The following PRSS56 variants were observed in gnomAD, a reference collection of about 807,000 sequenced individuals.
The protein encoded by PRSS56 is serine protease 56.
Under a neutral mutation model 66.8 loss-of-function variants are expected in PRSS56, and 55 were observed. The ratio of observed to expected loss-of-function variants is 0.82; its 90% CI spans 0.66 to 1.03. PRSS56 has a LOEUF of 1.03. Ranked by LOEUF, PRSS56 falls within the 50% of genes least tolerant of loss-of-function variation. The probability of loss-of-function intolerance (pLI) is 0.00; values close to 1 mark genes in which losing one functional copy is unlikely to be tolerated. For missense variants in PRSS56, 869 were observed against 837.2 expected, an observed-to-expected ratio of 1.04 and a Z score of -0.47; for synonymous variants, 409 against 387.9, an observed-to-expected ratio of 1.05 and a Z score of -0.64.
At position 232,520,628 on chromosome 2, in the gene PRSS56, C is replaced by A. The variant is rs1438126213; in HGVS notation, c.30C>A (p.Pro10=). 1.3e-5 allele frequency: 20 copies of A among 1,536,098 alleles called. No individual in the cohort carries two copies. The highest frequency in any genetic ancestry group is 3.9e-5 in the Admixed American group (2 of 51,000). Residue 10 remains proline (P), a synonymous_variant, in exon 1 of 13, where the codon CCC becomes CCA. Coordinates refer to ENST00000617714, the MANE Select transcript of PRSS56 (RefSeq NM_001195129.2). MLLAVLLLL[P]LPSSWFAHGH... is the part of the protein sequence containing the mutation. ...TGCTGGCTGTGCTGCTGCTGCTACC[C>A]CTCCCAAGCTCATGGTTTGCCCACG...
chr2:232,522,918 A>T lies in PRSS56; in HGVS notation c.706+57A>T. 3 of 1,450,456 alleles carry T rather than the reference A, an allele frequency of 2.1e-6. No individual in the cohort carries two copies. The South Asian group carries it at 4.2e-5, about 20-fold the overall frequency. The allele number at this position is 1,450,456 out of a possible 1,614,324, so 89.8% of individuals were successfully genotyped here. On this transcript the variant is annotated intron_variant, in intron 6 of 12. Transcript: ENST00000617714. ...GGAAGAACTGGGGGTCCGAGGTAAT[A>T]GAGTGTAGGGAGGCCGGGTTGCCTT...
In PRSS56 at chr2:232,525,488, C is replaced by G; in HGVS notation, c.1794C>G (p.Pro598=). The part of the protein sequence containing the change: ...KGHHPLNPQV[P]PARQP The stretch of plus-strand genomic sequence containing the variant: ...ACCACCCACTCAACCCTCAGGTACC[C>G]CCCGCCAGGCAACCCTGAGCCATGT... The change falls in exon 13 of 13, where the codon CCC becomes CCG. Residue 598 remains proline, a synonymous_variant. Coordinates refer to ENST00000617714, the MANE Select transcript of PRSS56 (RefSeq NM_001195129.2). The G allele has an allele frequency of 6.7e-7, 1 of 1,496,230 alleles. No individual in the cohort carries two copies. The highest frequency in any genetic ancestry group is 8.9e-7 in the Non-Finnish European group (1 of 1,121,734). The allele number at this position is 1,496,230 out of a possible 1,614,324, so 92.7% of individuals were successfully genotyped here.
At position 232,524,352 on chromosome 2, in the gene PRSS56, C is replaced by G; in HGVS notation, c.1397C>G (p.Pro466Arg). The change falls in exon 11 of 13, where the codon CCG (proline) becomes CGG (arginine). Residue 466 changes from proline to arginine, a missense_variant. This residue lies in a region of PRSS56 where 551 missense variants were observed against 506.9 expected (regional missense o/e 1.09). Coordinates refer to ENST00000617714, the MANE Select transcript of PRSS56 (RefSeq NM_001195129.2). ...GTRFPKRRPEPRGEANGCPGL... is the reference protein window; with the variant it reads ...GTRFPKRRPERRGEANGCPGL... The stretch of plus-strand genomic sequence containing the variant: ...CGGTTCCCGAAGCGGAGGCCGGAGC[C>G]GCGCGGAGAAGCCAACGGTAATGAC... 1 of 1,535,540 alleles carries G rather than the reference C, an allele frequency of 6.5e-7. No individual in the cohort carries two copies. Among genetic ancestry groups the G allele is most frequent in the Non-Finnish European group, 8.7e-7 (1 of 1,146,724 alleles).
Position 232,523,078 on chromosome 2 carries a change from C to T in PRSS56, c.725C>T (p.Ala242Val). ...ALFEDGPEAE[A>V]VREARVPLLS... ...CCTGCAGACGGGCCTGAGGCTGAAGCAGTGAGAGAGGCCCGTGTTCCCCTG... is the reference window on the plus strand; with the variant it reads ...CCTGCAGACGGGCCTGAGGCTGAAGTAGTGAGAGAGGCCCGTGTTCCCCTG... Residue 242 changes from alanine to valine, a missense_variant, in exon 7 of 13, where the codon GCA (alanine) becomes GTA (valine). Physicochemically the swap from Ala to Val is moderately conservative, Grantham distance 64. Coordinates refer to ENST00000617714, the MANE Select transcript of PRSS56 (RefSeq NM_001195129.2). 6.5e-7 allele frequency: 1 copy of T among 1,535,068 alleles called. No homozygotes were observed.
In PRSS56 at chr2:232,523,439, C is replaced by G; in HGVS notation, c.873C>G (p.Thr291=). The change falls in exon 8 of 13, where the codon ACC becomes ACG. Residue 291 remains threonine (T), a synonymous_variant. Coordinates refer to ENST00000617714, the MANE Select transcript of PRSS56 (RefSeq NM_001195129.2). ...AGGGTGACTCGGGAGGCCCCCTGAC[C>G]TGTTCTGAGCCTGGCCCCCGCCCTA... The part of the protein sequence containing the change: ...SCQGDSGGPL[T]CSEPGPRPRE... 6.7e-7 allele frequency: 1 copy of G among 1,483,892 alleles called. No individual in the cohort carries two copies. The highest frequency in any genetic ancestry group is 2.5e-5 in the East Asian group (1 of 40,318). 91.9% of individuals were successfully genotyped at this position (1,483,892 alleles called of 1,614,324 possible).
In PRSS56 at chr2:232,525,305, C is replaced by T. The variant is rs971066079; in HGVS notation, c.1611C>T (p.Ser537=). ...TGGGGGGCCGGCATGTGGCCTTCAG[C>T]GGCCTGGTGGGCCTGGAGCCGGCCA... ...AGLGGRHVAF[S]GLVGLEPATL... The change falls in exon 13 of 13, where the codon AGC becomes AGT. Residue 537 remains serine, a synonymous_variant. Transcript: ENST00000617714. The T allele has an allele frequency of 1.8e-5, 27 of 1,523,402 alleles. No individual in the cohort carries two copies. The highest frequency in any genetic ancestry group is 1.7e-4 in the Middle Eastern group (1 of 5,900). The allele number at this position is 1,523,402 out of a possible 1,614,324, so 94.4% of individuals were successfully genotyped here. A position where few individuals can be genotyped will look rare whatever the true frequency, so the allele number is the denominator to read the frequency against.
chr2:232,522,578 G>A lies in PRSS56; in HGVS notation c.510G>A (p.Glu170=), dbSNP rs1363443242. The change falls in exon 5 of 13, where the codon GAG becomes GAA. Residue 170 remains glutamate, a synonymous_variant. Transcript: ENST00000617714. ...LAEGSRGEQA[E]EVPVNRILPH... ...AGGGGTCCCGGGGGGAGCAAGCGGA[G>A]GAGGTGCCAGTGAACCGCATCCTGC... is the stretch of plus-strand genomic sequence containing the variant. 1 of 1,535,174 alleles carries A rather than the reference G, an allele frequency of 6.5e-7. No individual in the cohort carries two copies. Among genetic ancestry groups the A allele is most frequent in the South Asian group, 1.2e-5 (1 of 83,976 alleles).
chr2:232,524,045 G>T lies in PRSS56; in HGVS notation c.1193G>T (p.Arg398Leu). The change falls in exon 10 of 13, where the codon CGC becomes CTC. Residue 398 changes from arginine to leucine, a missense_variant. By Grantham distance (102) the Arg-to-Leu change is moderately radical. Around this residue, in one of 3 missense-constraint regions of PRSS56, gnomAD observed 551 missense variants for 506.9 expected, o/e 1.09. Transcript: ENST00000617714. ...CLQRRRRCEL[R>L]SLAHTLLGLL... Reference sequence around the variant, plus strand: ...ACTCCTGTCCGGTCCGCAGAGCTGCGCTCGCTGGCGCACACGCTGCTGGGC... The same window carrying T: ...ACTCCTGTCCGGTCCGCAGAGCTGCTCTCGCTGGCGCACACGCTGCTGGGC... 1.3e-6 allele frequency: 2 copies of T among 1,524,612 alleles called. No homozygotes were observed. The highest frequency in any genetic ancestry group is 1.7e-6 in the Non-Finnish European group (2 of 1,142,924). The allele number at this position is 1,524,612 out of a possible 1,614,324, so 94.4% of individuals were successfully genotyped here.
chr2:232,525,571 G>A lies in PRSS56; in HGVS notation c.*65G>A. 9.1e-7 allele frequency: 1 copy of A among 1,103,994 alleles called. No homozygotes were observed. Among genetic ancestry groups the A allele is most frequent in the East Asian group, 7.2e-5 (1 of 13,844 alleles). The allele number at this position is 1,103,994 out of a possible 1,614,324, so 68.4% of individuals were successfully genotyped here. On this transcript the variant is annotated 3_prime_UTR_variant, in exon 13 of 13. Transcript: ENST00000617714. The stretch of plus-strand genomic sequence containing the variant: ...CTCCCAGGGGCTGAGAGGGGTTCGG[G>A]AGCATAATGACAAACTGTCGCTGCC...
rs1294125717 is a variant in PRSS56, at chr2:232,522,806, G to A, written c.651G>A (p.Gln217=). Residue 217 remains glutamine (Q), a synonymous_variant, in exon 6 of 13, where the codon CAG becomes CAA. Coordinates refer to ENST00000617714, the MANE Select transcript of PRSS56 (RefSeq NM_001195129.2). ...CCGTGTGCCTGCCCCAGGAGCCCCA[G>A]GAGCCCCCTGCCGGAACCGCCTGCG... ...ARPVCLPQEP[Q]EPPAGTACAI... The A allele has an allele frequency of 2.7e-6, 4 of 1,502,288 alleles. No homozygotes were observed. The highest frequency in any genetic ancestry group is 1.2e-5 in the South Asian group (1 of 80,154). The allele number at this position is 1,502,288 out of a possible 1,614,324, so 93.1% of individuals were successfully genotyped here.
intron 2 of PRSS56, 136 bp from the exon 3 acceptor site, chr2:232,521,680 G>C: frequency 1.1e-6 from 1 of 921,352 alleles, no homozygotes; most frequent in Admixed American, 2.4e-5. Context: ...AGAAGTTCAT[G>C]GTTGCTGAAA....
In PRSS56 at chr2:232,523,096, T is replaced by A. The variant is rs1691321458; in HGVS notation, c.743T>A (p.Val248Asp). The change falls in exon 7 of 13, where the codon GTT becomes GAT. Residue 248 changes from valine to aspartate, a missense_variant. This residue lies in a region of PRSS56 where 551 missense variants were observed against 506.9 expected (regional missense o/e 1.09). Coordinates refer to ENST00000617714, the MANE Select transcript of PRSS56 (RefSeq NM_001195129.2). ...PEAEAVREAR[V>D]PLLSTDTCRR... ...GCTGAAGCAGTGAGAGAGGCCCGTG[T>A]TCCCCTGCTCAGCACCGACACCTGC... is the stretch of plus-strand genomic sequence containing the variant. 1 of 1,535,022 alleles carries A rather than the reference T, an allele frequency of 6.5e-7. No individual in the cohort carries two copies. Among genetic ancestry groups the A allele is most frequent in the Admixed American group, 2.0e-5 (1 of 50,890 alleles).
In PRSS56 at chr2:232,525,672, A is replaced by G. The variant is rs1691418314; in HGVS notation, c.*166A>G. On this transcript the variant is annotated 3_prime_UTR_variant, in exon 13 of 13. Coordinates refer to ENST00000617714, the MANE Select transcript of PRSS56 (RefSeq NM_001195129.2). ...CGTGTCTTCCCAGGTTTACAATCAGAGAATCACAGCTGCTTTAATAAATGT... is the reference window on the plus strand; with the variant it reads ...CGTGTCTTCCCAGGTTTACAATCAGGGAATCACAGCTGCTTTAATAAATGT... 3.6e-6 allele frequency: 2 copies of G among 552,828 alleles called. No individual in the cohort carries two copies. Among genetic ancestry groups the G allele is most frequent in the Non-Finnish European group, 6.1e-6 (2 of 325,546 alleles). The allele number at this position is 552,828 out of a possible 1,614,324, so 34.2% of individuals were successfully genotyped here. A position where few individuals can be genotyped will look rare whatever the true frequency, so the allele number is the denominator to read the frequency against.
rs1482451406 is a variant in PRSS56, at chr2:232,525,312, G to A, written c.1618G>A (p.Val540Met). The change falls in exon 13 of 13, where the codon GTG becomes ATG. Residue 540 changes from valine (V) to methionine (M), a missense_variant. This residue lies in a region of PRSS56 where 551 missense variants were observed against 506.9 expected (regional missense o/e 1.09). Transcript: ENST00000617714. ...CCGGCATGTGGCCTTCAGCGGCCTG[G>A]TGGGCCTGGAGCCGGCCACACTGGC... ...GGRHVAFSGL[V>M]GLEPATLARS... The A allele has an allele frequency of 2.6e-6, 4 of 1,524,450 alleles. No homozygotes were observed. The East Asian group carries it at 9.9e-5, about 38-fold the overall frequency. The allele number at this position is 1,524,450 out of a possible 1,614,324, so 94.4% of individuals were successfully genotyped here.
At position 232,522,684 on chromosome 2, in the gene PRSS56, C is replaced by G; in HGVS notation, c.547-18C>G. 6.5e-7 allele frequency: 1 copy of G among 1,533,578 alleles called. No individual in the cohort carries two copies. Among genetic ancestry groups the G allele is most frequent in the Non-Finnish European group, 8.7e-7 (1 of 1,145,476 alleles). The allele number at this position is 1,533,578 out of a possible 1,614,324, so 95.0% of individuals were successfully genotyped here. On this transcript the variant is annotated intron_variant, in intron 5 of 12. Transcript: ENST00000617714. ...CCACCCGTGCTTCCTTGACCCTGCG[C>G]CGCCTCCCCCTCCTCAGTTTGACCC...
chr2:232,521,366 G>A lies in PRSS56; in HGVS notation c.143G>A (p.Ser48Asn). 1 of 1,536,148 alleles carries A rather than the reference G, an allele frequency of 6.5e-7. No individual in the cohort carries two copies. Among genetic ancestry groups the A allele is most frequent in the Non-Finnish European group, 8.7e-7 (1 of 1,146,910 alleles). The change falls in exon 2 of 13, where the codon AGC becomes AAC. Residue 48 changes from serine (S) to asparagine (N), a missense_variant. Around this residue, in one of 3 missense-constraint regions of PRSS56, gnomAD observed 315 missense variants for 313.7 expected, o/e 1.00. Transcript: ENST00000617714. ...GTQALQAAQR[S>N]AQWAINRVAM... ...CAGGCGTTGCAGGCAGCCCAGAGGA[G>A]CGCCCAGTGGGCAATAAACCGAGTG... is the stretch of plus-strand genomic sequence containing the variant.
chr2:232,524,668 G>A, intron 11 of PRSS56, 70 bp from the exon 12 acceptor site: 3 of 1,106,040 alleles, frequency 2.7e-6, no homozygotes, highest in Non-Finnish European at 3.8e-6. Context: ...CTGAGGTGCT[G>A]GTGGGAGTGC....
intron 10 of PRSS56, 23 bp from the exon 11 acceptor site, chr2:232,524,274 CCGAGGCGGTA>C: frequency 2.0e-6 from 3 of 1,535,434 alleles, no homozygotes; most frequent in Non-Finnish European, 2.6e-6. Context: ...ACTTTCTCCG[CCGAGGCGGTA>C]CCCTAACCCT....
chr2:232,521,284 C>T, intron 1 of PRSS56, 37 bp from the exon 2 acceptor site: 1 of 1,476,312 alleles, frequency 6.8e-7, no homozygotes, highest in African/African-American at 1.4e-5. Flanking sequence ...AGGCTCTTCC[C>T]CAACCACGCA....
Sources: allele counts gnomAD v4.1 joint callset, GRCh38; gene constraint gnomAD v4.1.1; regional missense constraint gnomAD v4.1.1; transcripts MANE v1.5; gene names NCBI Gene and HGNC (gene_info 2026-07-23, HGNC 2026-07-21).